BCL2L1: variants seen among roughly 807,000 people sequenced by gnomAD.
The protein encoded by BCL2L1 is BCL2 like 1, also known as bcl-2-like protein 1.
Under a neutral mutation model 18.7 loss-of-function variants are expected in BCL2L1, and 1 was observed. That is an observed-to-expected ratio of 0.05 (90% CI 0.02 to 0.25). The LOEUF is 0.25. BCL2L1 is among the 10% of genes least tolerant of loss of function. BCL2L1 has a pLI of 1.00. For synonymous variants in BCL2L1, 103 were observed against 122.7 expected (o/e 0.84, Z 1.06); for missense variants, 207 against 304.9 (o/e 0.68, Z 2.39).
intron 2 of BCL2L1, among the ~76,000 whole-genome samples, chr20:31,669,577 C>T (rs187497506): frequency 2.5e-4 from 38 of 151,928 alleles, no homozygotes; most frequent in Admixed American, 6.6e-4. Context: ...CTCAGCCCCC[C>T]GAGTAGCGCC....
chr20:31,696,343 C>T (rs893292295), intron 2 of BCL2L1, among the ~76,000 whole-genome samples: 3 of 152,182 alleles, frequency 2.0e-5, no homozygotes, highest in Admixed American at 6.5e-5. Context: ...CCCATGGCAG[C>T]GGTCAACGTC....
intron 2 of BCL2L1, among the ~76,000 whole-genome samples, chr20:31,692,374 C>T (rs142879724): frequency 5.0e-3 from 764 of 152,286 alleles, no homozygotes; most frequent in Non-Finnish European, 8.9e-3. Context: ...TAAATGGATA[C>T]GAAAATGAAC....
intron 2 of BCL2L1, among the ~76,000 whole-genome samples, chr20:31,691,783 C>G (rs1044959917): frequency 3.3e-5 from 5 of 152,008 alleles, no homozygotes; most frequent in African/African-American, 1.2e-4. Flanking sequence ...CATGAATGGC[C>G]AACAGATGTA....
Position 31,722,100 on chromosome 20 carries a change from C to A in BCL2L1, c.119G>T (p.Gly40Val). 6.3e-7 allele frequency: 1 copy of A among 1,580,280 alleles called. No individual in the cohort carries two copies. The highest frequency in any genetic ancestry group is 1.2e-5 in the South Asian group (1 of 84,908). ...VEENRTEAPEGTESEMETPSA... is the reference protein window; with the variant it reads ...VEENRTEAPEVTESEMETPSA... ...GGGGGTCTCCATCTCCGATTCAGTC[C>A]CTTCTGGGGCCTCAGTCCTGTTCTC... Residue 40 changes from glycine (G) to valine (V), a missense_variant, in exon 2 of 3, where the codon GGG becomes GTG. Coordinates refer to ENST00000307677, the MANE Select transcript of BCL2L1 (RefSeq NM_138578.3).
chr20:31,666,017 G>A lies in BCL2L1; in HGVS notation c.634C>T (p.Arg212Cys), dbSNP rs577055474. 6.8e-6 allele frequency: 11 copies of A among 1,614,182 alleles called. No homozygotes were observed. The highest frequency in any genetic ancestry group is 3.3e-5 in the South Asian group (3 of 91,082). ...ACAGTCATGCCCGTCAGGAACCAGC[G>A]GTTGAAGCGTTCCTGGCCCTTTCGG... ...ESRKGQERFN[R>C]WFLTGMTVAG... Residue 212 changes from arginine to cysteine, a missense_variant, in exon 3 of 3, where the codon CGC (arginine) becomes TGC (cysteine). Physicochemically the swap from Arg to Cys is radical, Grantham distance 180. Coordinates refer to ENST00000307677, the MANE Select transcript of BCL2L1 (RefSeq NM_138578.3).
intron 2 of BCL2L1, among the ~76,000 whole-genome samples, chr20:31,705,675 G>T (rs1451928217): frequency 6.6e-6 from 1 of 152,198 alleles, no homozygotes; most frequent in Non-Finnish European, 1.5e-5. Flanking sequence ...TCTGAGAAGG[G>T]TTTAAAGGTG....
At chr20:31,682,078 G>C (rs1036138915) in intron 2 of BCL2L1, among the ~76,000 whole-genome samples, 2 of 152,236 alleles carry the variant, frequency 1.3e-5, no homozygotes, top group Non-Finnish European at 2.9e-5. Flanking sequence ...GAGAGAAGAA[G>C]CATCAGAGCT....
Position 31,713,372 on chromosome 20 carries a change from G to A in BCL2L1, c.564+8283C>T, listed in dbSNP as rs190619952. 1.6e-4 allele frequency: 156 copies of A among 985,340 alleles called. No homozygotes were observed. The African/African-American group carries it at 2.5e-3, about 16-fold the overall frequency. The allele number at this position is 985,340 out of a possible 1,614,324, so 61.0% of individuals were successfully genotyped here. ...AGTAATGGACAAGAGGAAAGGCAGG[G>A]ACACGTCCAAAAAAAGTAGTTTTTG... On this transcript the variant is annotated intron_variant, in intron 2 of 2. Coordinates refer to ENST00000307677, the MANE Select transcript of BCL2L1 (RefSeq NM_138578.3).
intron 2 of BCL2L1, among the ~76,000 whole-genome samples, chr20:31,719,585 G>A (rs2061591150): frequency 6.6e-6 from 1 of 152,206 alleles, no homozygotes; most frequent in African/African-American, 2.4e-5. Context: ...TCACCAAGAG[G>A]AAGTGACATG....
chr20:31,714,436 T>C (rs988112553), intron 2 of BCL2L1, among the ~76,000 whole-genome samples: 9 of 152,196 alleles, frequency 5.9e-5, no homozygotes, highest in African/African-American at 2.2e-4. Flanking sequence ...CACTATGGTA[T>C]TTAGAAAAAG....
At chr20:31,687,431 G>A (rs1359390441) in intron 2 of BCL2L1, among the ~76,000 whole-genome samples, 1 of 151,654 alleles carries the variant, frequency 6.6e-6, no homozygotes, top group Non-Finnish European at 1.5e-5. Context: ...GCCTCCCAAA[G>A]GAAGGAGGAT....
chr20:31,693,025 C>T (rs1220375403), intron 2 of BCL2L1, among the ~76,000 whole-genome samples: 2 of 147,178 alleles, frequency 1.4e-5, no homozygotes, highest in African/African-American at 2.5e-5. Context: ...GAGCTGAGGT[C>T]GCACCATAGC....
chr20:31,702,389 T>C (rs6088998), intron 2 of BCL2L1, among the ~76,000 whole-genome samples: 44,269 of 151,978 alleles, frequency 0.29, 8,084 homozygotes, highest in African/African-American at 0.51. Context: ...TCCCAGCACT[T>C]TGGGAGGCTG....
At chr20:31,691,152 CAAAAAAAAAAAAAAAAAA>C (rs539012918) in intron 2 of BCL2L1, among the ~76,000 whole-genome samples, 21 of 24,852 alleles carry the variant, frequency 8.5e-4, no homozygotes, top group East Asian at 7.5e-3. Flanking sequence ...GACTCTGTCT[CAAAAAAAAAAAAAAAAAA>C]AAAAAAAAAA....
intron 2 of BCL2L1, among the ~76,000 whole-genome samples, chr20:31,715,951 T>G (rs2061528225): frequency 6.6e-6 from 1 of 151,948 alleles, no homozygotes; most frequent in Admixed American, 6.6e-5. Context: ...CCCACCTCAG[T>G]ACACCCCCTC....
chr20:31,709,790 G>A (rs535873497), intron 2 of BCL2L1, among the ~76,000 whole-genome samples: 7 of 145,560 alleles, frequency 4.8e-5, no homozygotes, highest in Non-Finnish European at 7.5e-5. Flanking sequence ...AGCCGAGATC[G>A]TGCCACTGCA....
rs2060573841 is a variant in BCL2L1 at position 31,665,537 on chromosome 20, A to T, written c.*412T>A. On this transcript the variant is annotated 3_prime_UTR_variant, in exon 3 of 3. Transcript: ENST00000307677. Reference sequence around the variant, plus strand: ...AATGATCAATTCTGAGGCCACAAACATCAAAACAAAGGCAATCTAGTCTCC... The same window carrying T: ...AATGATCAATTCTGAGGCCACAAACTTCAAAACAAAGGCAATCTAGTCTCC... The T allele has an allele frequency of 5.4e-6, 1 of 185,680 alleles. No individual in the cohort carries two copies. The highest frequency in any genetic ancestry group is 5.9e-5 in the Admixed American group (1 of 17,002). 11.5% of individuals were successfully genotyped at this position (185,680 alleles called of 1,614,324 possible).
intron 2 of BCL2L1, among the ~76,000 whole-genome samples, chr20:31,684,589 C>T (rs1424819343): frequency 6.6e-6 from 1 of 152,160 alleles, no homozygotes; most frequent in African/African-American, 2.4e-5. Flanking sequence ...ACCAATCCAG[C>T]TATAGTAACA....
chr20:31,695,831 C>T (rs2061158478), intron 2 of BCL2L1, among the ~76,000 whole-genome samples: 1 of 152,220 alleles, frequency 6.6e-6, no homozygotes, highest in Non-Finnish European at 1.5e-5. Context: ...TCACTGCATT[C>T]AGATCCAATG....
Sources: gnomAD v4.1 joint callset for allele counts (sites outside exome capture counted in the v4.1 genomes callset) on GRCh38, gnomAD v4.1.1 for gene constraint, MANE v1.5 for transcripts, NCBI Gene and HGNC (gene_info 2026-07-23, HGNC 2026-07-21) for gene names.